Variants in AKAP11 observed in about 807,000 individuals in gnomAD.
AKAP11 encodes the protein A-kinase anchor protein 11.
Under a neutral mutation model 146.1 loss-of-function variants are expected in AKAP11, and 36 were observed. The observed-to-expected ratio is 0.25, with a 90% confidence interval of 0.19 to 0.33. The LOEUF is 0.33. Among genes scored for constraint, AKAP11 ranks in the 10% least tolerant of loss-of-function variants. AKAP11 has a pLI of 1.00. For synonymous variants in AKAP11, 780 were observed against 786.5 expected (o/e 0.99, Z 0.14); for missense variants, 2,201 against 2,197.0 (o/e 1.00, Z -0.04).
At chr13:42,305,562 A>T (rs1960210166) in intron 8 of AKAP11, among the ~76,000 whole-genome samples, 2 of 152,082 alleles carry the variant, frequency 1.3e-5, no homozygotes, top group African/African-American at 4.8e-5. Flanking sequence ...ATATTTTGTG[A>T]TGTGGAAATT....
chr13:42,279,018 C>G (rs949736437), intron 1 of AKAP11, among the ~76,000 whole-genome samples: 2 of 151,148 alleles, frequency 1.3e-5, no homozygotes, highest in Admixed American at 6.6e-5. Flanking sequence ...GTCTGTTGTC[C>G]TTGGTTCCTC....
intron 11 of AKAP11, among the ~76,000 whole-genome samples, chr13:42,314,704 T>C (rs1042116698): frequency 2.0e-5 from 3 of 152,184 alleles, no homozygotes; most frequent in African/African-American, 4.8e-5. Flanking sequence ...TACCTTGTTT[T>C]CTAAAAGATA....
intron 8 of AKAP11, among the ~76,000 whole-genome samples, chr13:42,306,254 T>A (rs1960251947): frequency 6.6e-6 from 1 of 152,180 alleles, no homozygotes. Context: ...TTGAAATAAT[T>A]TTCCTCATAC....
chr13:42,302,628 T>A lies in AKAP11; in HGVS notation c.3882T>A (p.Gly1294=). The A allele has an allele frequency of 6.2e-7, 1 of 1,614,068 alleles. No individual in the cohort carries two copies. The highest frequency in any genetic ancestry group is 8.5e-7 in the Non-Finnish European group (1 of 1,180,002). The stretch of plus-strand genomic sequence containing the variant: ...AGAAGAACAGTTGTTATGCTGATGG[T>A]GACGAAGATTATAAAGTAGAAGAGA... ...KQKKNSCYAD[G]DEDYKVEEKL... Residue 1294 remains glycine (G), a synonymous_variant, in exon 8 of 13, where the codon GGT becomes GGA. Coordinates refer to ENST00000025301, the MANE Select transcript of AKAP11 (RefSeq NM_016248.4).
intron 3 of AKAP11, among the ~76,000 whole-genome samples, chr13:42,286,875 T>TC (rs1959170999): frequency 6.6e-6 from 1 of 152,214 alleles, no homozygotes; most frequent in Non-Finnish European, 1.5e-5. Flanking sequence ...TGGTTAACCT[T>TC]CCATTTCTTG....
chr13:42,273,824 T>C (rs760005788), intron 1 of AKAP11, among the ~76,000 whole-genome samples: 2 of 152,220 alleles, frequency 1.3e-5, no homozygotes, highest in Non-Finnish European at 2.9e-5. Flanking sequence ...AGGAACTTAC[T>C]GTCTGGAAAA....
chr13:42,314,668 G>A (rs990227614), intron 11 of AKAP11, among the ~76,000 whole-genome samples: 7 of 151,900 alleles, frequency 4.6e-5, no homozygotes, highest in South Asian at 2.1e-4. Context: ...TCAAACTTAC[G>A]TGAGTCAGTA....
At chr13:42,317,066 T>C (rs1328847821) in intron 11 of AKAP11, among the ~76,000 whole-genome samples, 1 of 152,070 alleles carries the variant, frequency 6.6e-6, no homozygotes, top group African/African-American at 2.4e-5. Flanking sequence ...TTAATAGCGC[T>C]GGGGTTTCAC....
Position 42,322,377 on chromosome 13 carries a change from CAG to C in AKAP11, c.*3152_*3153del, listed in dbSNP as rs1484813133. On this transcript the variant is annotated 3_prime_UTR_variant, in exon 13 of 13. Transcript: ENST00000025301. ...ATGGCTGACATTAGTGCACATAATGCAGAGTTTAACCTTGATTCTTCAACAGA... is the reference window on the plus strand; with the variant it reads ...ATGGCTGACATTAGTGCACATAATGCAGTTTAACCTTGATTCTTCAACAGA... 6.6e-6 allele frequency: 1 copy of C among 152,256 alleles called. No individual in the cohort carries two copies. The allele number at this position is 152,256 out of a possible 1,614,324, so 9.4% of individuals were successfully genotyped here. A position where few individuals can be genotyped will look rare whatever the true frequency, so the allele number is the denominator to read the frequency against.
intron 4 of AKAP11, among the ~76,000 whole-genome samples, chr13:42,292,790 A>G (rs573224785): frequency 3.3e-5 from 5 of 152,338 alleles, no homozygotes; most frequent in Admixed American, 6.5e-5. Context: ...GATGCCTACT[A>G]TATTCAGCAA....
intron 8 of AKAP11, among the ~76,000 whole-genome samples, chr13:42,306,112 A>G (rs1045706414): frequency 3.9e-5 from 6 of 152,164 alleles, no homozygotes; most frequent in Admixed American, 3.9e-4. Context: ...TCTTACAGAA[A>G]ACAATTGCGA....
intron 3 of AKAP11, among the ~76,000 whole-genome samples, chr13:42,292,038 G>T (rs1239908182): frequency 6.6e-6 from 1 of 152,162 alleles, no homozygotes; most frequent in African/African-American, 2.4e-5. Flanking sequence ...CATATAAATT[G>T]TTGCTTCTGT....
rs201640703 is a variant in AKAP11 at position 42,301,780 on chromosome 13, G to T, written c.3034G>T (p.Val1012Phe). The change falls in exon 8 of 13, where the codon GTT becomes TTT. Residue 1012 changes from valine (V) to phenylalanine (F), a missense_variant. Transcript: ENST00000025301. ...AAKDCVPECKVSMVHGSSLET... is the reference protein window; with the variant it reads ...AAKDCVPECKFSMVHGSSLET... ...AAAGGATTGTGTTCCAGAATGTAAA[G>T]TTTCTATGGTTCATGGATCCTCCCT... 10 of 1,614,012 alleles carry T rather than the reference G, an allele frequency of 6.2e-6. No individual in the cohort carries two copies. In the Admixed American group the frequency reaches 1.7e-4, roughly 27 times the overall value.
intron 1 of AKAP11, among the ~76,000 whole-genome samples, chr13:42,278,231 A>G (rs1407075507): frequency 6.6e-6 from 1 of 152,232 alleles, no homozygotes; most frequent in East Asian, 1.9e-4. Context: ...GGCAGAAACT[A>G]TAAAGAAGCA....
intron 4 of AKAP11, among the ~76,000 whole-genome samples, chr13:42,295,334 G>A (rs1959442100): frequency 1.3e-5 from 2 of 152,192 alleles, no homozygotes; most frequent in Admixed American, 6.5e-5. Flanking sequence ...ATTTTGCCAT[G>A]GGAAGCATGG....
intron 1 of AKAP11, among the ~76,000 whole-genome samples, chr13:42,273,981 T>A (rs1958849173): frequency 6.6e-6 from 1 of 152,146 alleles, no homozygotes; most frequent in South Asian, 2.1e-4. Flanking sequence ...AGGAGACCAG[T>A]GTTGATTAGA....
Position 42,286,374 on chromosome 13 carries a change from T to C in AKAP11, c.26T>C (p.Met9Thr). ...ATGGCGACTTTCAGAAACAATCACA[T>C]GAAGACTAAAGCATCTGTCAGAAAA... MATFRNNH[M>T]KTKASVRKSF... The change falls in exon 3 of 13, where the codon ATG (methionine) becomes ACG (threonine). Residue 9 changes from methionine to threonine, a missense_variant. Transcript: ENST00000025301. The C allele has an allele frequency of 6.2e-7, 1 of 1,602,880 alleles. No individual in the cohort carries two copies. Among genetic ancestry groups the C allele is most frequent in the Non-Finnish European group, 8.5e-7 (1 of 1,175,666 alleles).
chr13:42,289,030 A>T (rs1333998248), intron 3 of AKAP11, among the ~76,000 whole-genome samples: 1 of 152,168 alleles, frequency 6.6e-6, no homozygotes, highest in Non-Finnish European at 1.5e-5. Context: ...TTCCATTGTA[A>T]AAGTACATTT....
chr13:42,305,777 T>C (rs545206700), intron 8 of AKAP11, among the ~76,000 whole-genome samples: 1 of 152,284 alleles, frequency 6.6e-6, no homozygotes, highest in Non-Finnish European at 1.5e-5. Context: ...AGATACCACC[T>C]GAGACTGAGT....
Sources: allele counts gnomAD v4.1 joint callset (sites outside exome capture counted in the v4.1 genomes callset), GRCh38; gene constraint gnomAD v4.1.1; transcripts MANE v1.5; gene names NCBI Gene and HGNC (gene_info 2026-07-23, HGNC 2026-07-21).